The following DSCAM variants were observed in gnomAD, a reference collection of about 807,000 sequenced individuals.
The protein encoded by DSCAM is DS cell adhesion molecule.
A neutral mutation model predicts 217.7 loss-of-function variants in DSCAM; 47 were observed. The ratio of observed to expected loss-of-function variants is 0.22; its 90% confidence interval spans 0.17 to 0.28. DSCAM has a LOEUF of 0.28. Among genes scored for constraint, DSCAM ranks in the 10% least tolerant of loss-of-function variants. The pLI, the probability that DSCAM is intolerant of heterozygous loss-of-function variation, is 1.00. For synonymous variants in DSCAM, 1,056 were observed against 1,015.3 expected, an observed-to-expected ratio of 1.04 and a Z score of -0.76; for missense variants, 2,080 against 2,618.3, an observed-to-expected ratio of 0.79 and a Z score of 4.49.
intron 14 of DSCAM, among the ~76,000 whole-genome samples, chr21:40,179,999 G>T (rs749006676): frequency 2.6e-4 from 40 of 152,204 alleles, no homozygotes; most frequent in South Asian, 4.1e-4. Context: ...CCTTGGTGGT[G>T]CTCACCACAC....
intron 2 of DSCAM, among the ~76,000 whole-genome samples, chr21:40,698,014 ACTT>A (rs1196000229): frequency 1.3e-5 from 2 of 151,972 alleles, no homozygotes; most frequent in Non-Finnish European, 2.9e-5. Context: ...TTTCTTTCAT[ACTT>A]CTTTATATTT....
chr21:40,214,231 GAAA>G (rs1266330703), intron 11 of DSCAM, among the ~76,000 whole-genome samples: 1 of 152,140 alleles, frequency 6.6e-6, no homozygotes, highest in Non-Finnish European at 1.5e-5. Flanking sequence ...GGCCACTTTG[GAAA>G]TAAGAATATT....
Position 40,148,167 on chromosome 21 carries a change from A to T in DSCAM, c.3019-3436T>A, listed in dbSNP as rs558717165. On this transcript the variant is annotated intron_variant, in intron 16 of 32. Coordinates refer to ENST00000400454, the MANE Select transcript of DSCAM (RefSeq NM_001389.5). ...AATATATGGAGTAGAGTTATGCGTT[A>T]TTTGATGGTAGTAGTGTTTTTACAT... is the stretch of plus-strand genomic sequence containing the variant. Among the ~76,000 whole-genome samples the T allele has an allele frequency of 2.6e-4, 39 of 152,276 alleles. No individual in the cohort carries two copies. In the South Asian group the frequency reaches 7.7e-3, roughly 30 times the overall value.
intron 1 of DSCAM, among the ~76,000 whole-genome samples, chr21:40,791,648 G>A (rs9982523): frequency 0.45 from 68,462 of 151,786 alleles, 17,306 homozygotes; most frequent in South Asian, 0.65. Flanking sequence ...GAGAGACACC[G>A]TCTCAAAAAA....
At chr21:40,480,294 A>G (rs1312215154) in intron 3 of DSCAM, among the ~76,000 whole-genome samples, 1 of 152,238 alleles carries the variant, frequency 6.6e-6, no homozygotes, top group African/African-American at 2.4e-5. Context: ...AAAGTTAAAG[A>G]ATCACTAACA....
chr21:40,803,342 C>T (rs920496958), intron 1 of DSCAM, among the ~76,000 whole-genome samples: 1 of 152,186 alleles, frequency 6.6e-6, no homozygotes, highest in South Asian at 2.1e-4. Flanking sequence ...CACTCTGTCA[C>T]GTGAGCACAC....
intron 1 of DSCAM, among the ~76,000 whole-genome samples, chr21:40,832,923 AACC>A: frequency 7.6e-6 from 1 of 131,826 alleles, no homozygotes; most frequent in African/African-American, 3.0e-5. Context: ...TAAGTTAACG[AACC>A]TCACCTCAAA....
intron 1 of DSCAM, among the ~76,000 whole-genome samples, chr21:40,741,322 T>C (rs997303105): frequency 2.6e-5 from 4 of 152,202 alleles, no homozygotes; most frequent in Non-Finnish European, 4.4e-5. Context: ...AATGGACAAA[T>C]GGGTGCTTAA....
intron 11 of DSCAM, among the ~76,000 whole-genome samples, chr21:40,231,677 A>AT (rs1345819104): frequency 6.6e-6 from 1 of 151,650 alleles, no homozygotes; most frequent in South Asian, 2.1e-4. Flanking sequence ...TGACTGTTCT[A>AT]TTTTTTGTAG....
At chr21:40,753,341 T>C (rs777492110) in intron 1 of DSCAM, among the ~76,000 whole-genome samples, 16 of 152,190 alleles carry the variant, frequency 1.1e-4, no homozygotes, top group Non-Finnish European at 4.4e-5. Context: ...AAGAAAGAAT[T>C]ACAGTCATTT....
At chr21:40,546,117 G>T (rs1278141636) in intron 3 of DSCAM, among the ~76,000 whole-genome samples, 2 of 152,174 alleles carry the variant, frequency 1.3e-5, no homozygotes, top group East Asian at 3.8e-4. Flanking sequence ...AAACTCAGCG[G>T]GTACATTCTC....
At chr21:40,093,272 C>T (rs1251089050) in intron 21 of DSCAM, among the ~76,000 whole-genome samples, 1 of 152,214 alleles carries the variant, frequency 6.6e-6, no homozygotes. Flanking sequence ...CCTGCTGTTA[C>T]TTAAAGTCTT....
At position 40,167,180 on chromosome 21, in the gene DSCAM, G is replaced by T. The variant is rs760359461; in HGVS notation, c.3018+38C>A. 2.5e-6 allele frequency: 4 copies of T among 1,598,574 alleles called. No individual in the cohort carries two copies. The African/African-American group carries it at 4.0e-5, about 16-fold the overall frequency. On this transcript the variant is annotated intron_variant, in intron 16 of 32. Coordinates refer to ENST00000400454, the MANE Select transcript of DSCAM (RefSeq NM_001389.5). ...ACAGGAGTGAAGGGCTCGCCCTGGG[G>T]GGAAAGCACCGAGAATACAAATGTT...
intron 3 of DSCAM, among the ~76,000 whole-genome samples, chr21:40,543,867 A>G (rs1318843809): frequency 1.3e-5 from 2 of 152,228 alleles, no homozygotes; most frequent in Non-Finnish European, 2.9e-5. Flanking sequence ...TTACATAATT[A>G]AAAATATTTG....
At chr21:40,444,233 G>A (rs1569126302) in intron 3 of DSCAM, among the ~76,000 whole-genome samples, 1 of 152,100 alleles carries the variant, frequency 6.6e-6, no homozygotes, top group Non-Finnish European at 1.5e-5. Context: ...TTCCCTGAGG[G>A]TATGAGGTGT....
chr21:40,595,746 G>A (rs1415490471), intron 3 of DSCAM, among the ~76,000 whole-genome samples: 1 of 152,236 alleles, frequency 6.6e-6, no homozygotes, highest in Non-Finnish European at 1.5e-5. Context: ...TGAAAGGGAT[G>A]TTCTGATGAG....
chr21:40,584,888 A>G (rs1235744001), intron 3 of DSCAM, among the ~76,000 whole-genome samples: 1 of 152,096 alleles, frequency 6.6e-6, no homozygotes, highest in South Asian at 2.1e-4. Flanking sequence ...GCCCAGTGGG[A>G]GGTGTTTGGG....
chr21:40,056,624 T>A (rs2089029649), intron 28 of DSCAM, among the ~76,000 whole-genome samples: 1 of 152,150 alleles, frequency 6.6e-6, no homozygotes, highest in Non-Finnish European at 1.5e-5. Flanking sequence ...AGAAGGGTGG[T>A]TGTTCAGTCT....
At chr21:40,224,601 A>C (rs1310733272) in intron 11 of DSCAM, among the ~76,000 whole-genome samples, 2 of 152,240 alleles carry the variant, frequency 1.3e-5, no homozygotes, top group Non-Finnish European at 2.9e-5. Flanking sequence ...CGTTGCAAAA[A>C]GAGAATTCAA....
Sources: allele counts gnomAD v4.1 joint callset (sites outside exome capture counted in the v4.1 genomes callset), GRCh38; gene constraint gnomAD v4.1.1; transcripts MANE v1.5; gene names NCBI Gene and HGNC (gene_info 2026-07-23, HGNC 2026-07-21).